The following SYNPR variants were observed in gnomAD, a reference collection of about 807,000 sequenced individuals.
SYNPR encodes the protein synaptoporin.
In SYNPR, 23 loss-of-function variants were observed where a neutral mutation model predicts 32.9. The ratio of observed to expected loss-of-function variants is 0.70; its 90% CI spans 0.50 to 0.99. The LOEUF (loss-of-function observed/expected upper bound fraction) is 0.99, where lower values mean the gene tolerates loss of function less well. Among genes scored for constraint, SYNPR ranks in the 50% least tolerant of loss-of-function variants. The pLI is 0.00. For synonymous variants in SYNPR, 146 were observed against 135.9 expected, an observed-to-expected ratio of 1.07 and a Z score of -0.52; for missense variants, 318 against 349.3, an observed-to-expected ratio of 0.91 and a Z score of 0.71.
intron 2 of SYNPR, among the ~76,000 whole-genome samples, chr3:63,367,928 T>A (rs569629344): frequency 6.6e-6 from 1 of 152,292 alleles, no homozygotes; most frequent in South Asian, 2.1e-4. Context: ...AGTATTGCCG[T>A]GATATTCTAC....
intron 1 of SYNPR, among the ~76,000 whole-genome samples, chr3:63,233,553 A>T (rs1018098992): frequency 1.3e-5 from 2 of 152,192 alleles, no homozygotes; most frequent in Non-Finnish European, 2.9e-5. Context: ...TTCCTAAAAG[A>T]TTCTATGCAA....
At chr3:63,608,229 G>T (rs1029477486) in intron 4 of SYNPR, among the ~76,000 whole-genome samples, 4 of 152,024 alleles carry the variant, frequency 2.6e-5, no homozygotes, top group African/African-American at 9.7e-5. Context: ...TTTGGAGATG[G>T]TCTCTACAAT....
At chr3:63,340,209 C>G (rs1470831283) in intron 2 of SYNPR, among the ~76,000 whole-genome samples, 2 of 152,062 alleles carry the variant, frequency 1.3e-5, no homozygotes, top group African/African-American at 4.8e-5. Context: ...TAACCATTCA[C>G]TCATTGAAGA....
At chr3:63,283,637 T>A (rs902783407) in intron 2 of SYNPR, among the ~76,000 whole-genome samples, 1 of 148,688 alleles carries the variant, frequency 6.7e-6, no homozygotes, top group African/African-American at 2.5e-5. Flanking sequence ...TTTTTTTTTT[T>A]TTTTTGAGAC....
At chr3:63,288,672 T>C (rs1393116572) in intron 2 of SYNPR, among the ~76,000 whole-genome samples, 2 of 152,228 alleles carry the variant, frequency 1.3e-5, no homozygotes, top group Non-Finnish European at 2.9e-5. Context: ...ATGTACTTCA[T>C]TTTTATTCAC....
intron 2 of SYNPR, among the ~76,000 whole-genome samples, chr3:63,388,823 A>G (rs2088093116): frequency 6.6e-6 from 1 of 152,150 alleles, no homozygotes; most frequent in Non-Finnish European, 1.5e-5. Context: ...TATTAGATTT[A>G]TACCCAGAAA....
At chr3:63,340,419 A>ACTT (rs1553870463) in intron 2 of SYNPR, among the ~76,000 whole-genome samples, 26,636 of 128,158 alleles carry the variant, frequency 0.21, 3,327 homozygotes, top group South Asian at 0.39. Context: ...AAAAAAATGT[A>ACTT]TTTTTTTTTT....
chr3:63,584,330 C>T (rs1467275079), intron 4 of SYNPR, among the ~76,000 whole-genome samples: 3 of 152,070 alleles, frequency 2.0e-5, no homozygotes, highest in African/African-American at 4.8e-5. Context: ...ATGTGCATTC[C>T]TTTGGCAAGA....
intron 2 of SYNPR, among the ~76,000 whole-genome samples, chr3:63,301,805 C>T (rs1373448771): frequency 1.3e-5 from 2 of 152,014 alleles, no homozygotes; most frequent in Non-Finnish European, 2.9e-5. Flanking sequence ...CTTCTTCATA[C>T]TTCTGGGTTT....
intron 2 of SYNPR, among the ~76,000 whole-genome samples, chr3:63,345,118 T>C (rs2087420690): frequency 6.6e-6 from 1 of 152,200 alleles, no homozygotes; most frequent in Non-Finnish European, 1.5e-5. Context: ...CAGTAAACAA[T>C]GACTTGTTAT....
At chr3:63,381,707 A>G (rs2087972703) in intron 2 of SYNPR, among the ~76,000 whole-genome samples, 1 of 152,108 alleles carries the variant, frequency 6.6e-6, no homozygotes, top group Non-Finnish European at 1.5e-5. Flanking sequence ...TAATGTTACT[A>G]TCCATCTGTT....
chr3:63,363,560 T>C (rs1258718382), intron 2 of SYNPR, among the ~76,000 whole-genome samples: 4 of 152,212 alleles, frequency 2.6e-5, no homozygotes, highest in Non-Finnish European at 5.9e-5. Context: ...GTTTGGGTTG[T>C]TGCTCTGACA....
the SYNPR span, among the ~76,000 whole-genome samples, chr3:63,201,647 G>C: frequency 6.6e-6 from 1 of 151,878 alleles, no homozygotes; most frequent in Non-Finnish European, 1.5e-5. Flanking sequence ...AAAAACAAAA[G>C]CCAAGGGAGA....
chr3:63,355,347 A>G lies in SYNPR; in HGVS notation c.84+76605A>G, dbSNP rs575508087. On this transcript the variant is annotated intron_variant, in intron 2 of 5. Coordinates refer to ENST00000478300, the MANE Select transcript of SYNPR (RefSeq NM_001130003.2). ...AATGTTTGACATCAGAGTCTGCTGC[A>G]GTGAGATTAAGACCAGCATCTACTA... Among the ~76,000 whole-genome samples the G allele has an allele frequency of 8.7e-4, 132 of 151,908 alleles. 1 individual carries two copies. Among genetic ancestry groups the G allele is most frequent in the Middle Eastern group, 6.9e-3 (2 of 290 alleles).
chr3:63,371,886 A>G (rs2087817344), intron 2 of SYNPR, among the ~76,000 whole-genome samples: 1 of 152,146 alleles, frequency 6.6e-6, no homozygotes, highest in African/African-American at 2.4e-5. Context: ...AACCACCCTC[A>G]GGATGGGGAA....
At chr3:63,452,327 T>C (rs1359558815) in intron 2 of SYNPR, among the ~76,000 whole-genome samples, 1 of 152,152 alleles carries the variant, frequency 6.6e-6, no homozygotes, top group Non-Finnish European at 1.5e-5. Context: ...ATTATCATTA[T>C]AGTAAGTGCT....
At chr3:63,309,372 G>GC (rs774440902) in intron 2 of SYNPR, among the ~76,000 whole-genome samples, 20 of 151,852 alleles carry the variant, frequency 1.3e-4, no homozygotes, top group Non-Finnish European at 2.5e-4. Flanking sequence ...CTGTGTGTTT[G>GC]CATGTTTGCT....
intron 2 of SYNPR, among the ~76,000 whole-genome samples, chr3:63,375,017 A>G (rs1051645296): frequency 6.6e-6 from 1 of 152,132 alleles, no homozygotes; most frequent in Non-Finnish European, 1.5e-5. Context: ...CAAAACCACA[A>G]TGAGATACCA....
chr3:63,345,210 G>A (rs1343504469), intron 2 of SYNPR, among the ~76,000 whole-genome samples: 1 of 152,178 alleles, frequency 6.6e-6, no homozygotes, highest in African/African-American at 2.4e-5. Flanking sequence ...TTTTACAAAG[G>A]TGGTTTTAGT....
Sources: gnomAD v4.1 joint callset for allele counts (sites outside exome capture counted in the v4.1 genomes callset) on GRCh38, gnomAD v4.1.1 for gene constraint, MANE v1.5 for transcripts, NCBI Gene and HGNC (gene_info 2026-07-23, HGNC 2026-07-21) for gene names.